ICA1: variants seen among roughly 807,000 people sequenced by gnomAD.
The protein encoded by ICA1 is 69 kDa islet cell autoantigen.
In ICA1, 40 loss-of-function variants were observed where a neutral mutation model predicts 71.0. The ratio of observed to expected loss-of-function variants is 0.56; its 90% CI spans 0.44 to 0.73. The LOEUF is 0.73. ICA1 is among the 30% of genes least tolerant of loss of function. ICA1 has a pLI of 0.00. For synonymous variants in ICA1, 207 were observed against 209.5 expected (o/e 0.99, Z 0.10); for missense variants, 578 against 576.5 (o/e 1.00, Z -0.03).
intron 6 of ICA1, among the ~76,000 whole-genome samples, chr7:8,172,827 C>CT (rs1808875760): frequency 6.6e-6 from 1 of 152,170 alleles, no homozygotes; most frequent in Non-Finnish European, 1.5e-5. Flanking sequence ...TCAAATGTCA[C>CT]TGGCAGTATT....
chr7:8,149,929 C>T (rs936740683), intron 8 of ICA1, among the ~76,000 whole-genome samples: 4 of 152,152 alleles, frequency 2.6e-5, no homozygotes, highest in Non-Finnish European at 1.5e-5. Context: ...AATTCATGGA[C>T]ATTTAGCACA....
chr7:8,116,604 A>G (rs956859888), intron 13 of ICA1: 1 of 152,196 alleles, frequency 6.6e-6, no homozygotes, highest in African/African-American at 2.4e-5. Flanking sequence ...TTTTCTTCTC[A>G]AGCACAATCG....
At chr7:8,135,119 C>T (rs1339514818) in intron 12 of ICA1, among the ~76,000 whole-genome samples, 5 of 152,016 alleles carry the variant, frequency 3.3e-5, no homozygotes, top group African/African-American at 4.8e-5. Context: ...CTCCGCCTCC[C>T]GGGTTCAAGC....
At chr7:8,245,328 CAT>C (rs1284202751) in intron 1 of ICA1, among the ~76,000 whole-genome samples, 9 of 149,560 alleles carry the variant, frequency 6.0e-5, no homozygotes, top group African/African-American at 2.2e-4. Context: ...CCAAGCACCA[CAT>C]GTTCTCACTC....
chr7:8,158,329 T>C (rs970774558), intron 7 of ICA1, 198 bp downstream of exon 7: 2 of 583,358 alleles, frequency 3.4e-6, no homozygotes, highest in Non-Finnish European at 5.9e-6. Context: ...TGGGAAATTA[T>C]GGTATATACA....
At chr7:8,247,353 A>C (rs765638860) in intron 1 of ICA1, among the ~76,000 whole-genome samples, 3 of 152,114 alleles carry the variant, frequency 2.0e-5, no homozygotes, top group African/African-American at 7.2e-5. Context: ...CCAGCTACTC[A>C]GGAGGCTGAC....
chr7:8,256,615 T>C (rs1356721804), intron 1 of ICA1, among the ~76,000 whole-genome samples: 1 of 152,168 alleles, frequency 6.6e-6, no homozygotes, highest in Admixed American at 6.5e-5. Context: ...CCCATGGGTC[T>C]TGCACTCCAG....
At chr7:8,209,382 C>G (rs1260706271) in intron 6 of ICA1, among the ~76,000 whole-genome samples, 1 of 152,060 alleles carries the variant, frequency 6.6e-6, no homozygotes, top group African/African-American at 2.4e-5. Flanking sequence ...ATTCAAGGAA[C>G]AGAAATTATG....
At chr7:8,177,772 A>G (rs2128249831) in intron 6 of ICA1, among the ~76,000 whole-genome samples, 1 of 152,336 alleles carries the variant, frequency 6.6e-6, no homozygotes, top group Non-Finnish European at 1.5e-5. Context: ...TGAATTGCAG[A>G]AAGTAATTCT....
intron 6 of ICA1, among the ~76,000 whole-genome samples, chr7:8,199,530 G>A (rs945222226): frequency 6.6e-6 from 1 of 152,078 alleles, no homozygotes; most frequent in South Asian, 2.1e-4. Context: ...GGCCAACATG[G>A]TGAAACCCTG....
At chr7:8,219,661 T>C (rs901210072) in intron 5 of ICA1, among the ~76,000 whole-genome samples, 1 of 152,256 alleles carries the variant, frequency 6.6e-6, no homozygotes. Context: ...TAAAGTAAGC[T>C]TGTTATCCCT....
chr7:8,141,590 G>A (rs779587773), intron 10 of ICA1, among the ~76,000 whole-genome samples, 175 bp downstream of exon 10: 15 of 152,314 alleles, frequency 9.8e-5, no homozygotes, highest in Non-Finnish European at 1.6e-4. Context: ...ATGCTGTAGG[G>A]TTGACATGGT....
At chr7:8,174,743 C>T (rs1483027698) in intron 6 of ICA1, among the ~76,000 whole-genome samples, 2 of 53,512 alleles carry the variant, frequency 3.7e-5, no homozygotes, top group African/African-American at 8.0e-5. Flanking sequence ...GTGACACAGC[C>T]AGACTGTATC....
At chr7:8,150,749 C>T (rs1278456090) in intron 8 of ICA1, among the ~76,000 whole-genome samples, 1 of 152,162 alleles carries the variant, frequency 6.6e-6, no homozygotes, top group African/African-American at 2.4e-5. Context: ...TGCTTTTTTG[C>T]CTATAAGCAA....
intron 6 of ICA1, among the ~76,000 whole-genome samples, chr7:8,201,335 C>G (rs182836822): frequency 6.8e-4 from 104 of 152,282 alleles, no homozygotes; most frequent in Non-Finnish European, 1.1e-3. Flanking sequence ...AGCAGGTGGA[C>G]TTGATCCTAC....
chr7:8,141,935 G>A (rs6952542), intron 9 of ICA1, 118 bp from the exon 10 acceptor site: 188,210 of 979,768 alleles, frequency 0.19, 14,871 homozygotes, highest in Non-Finnish European at 0.22. Flanking sequence ...CCACACACAC[G>A]CACACGAAGA....
intron 10 of ICA1, among the ~76,000 whole-genome samples, chr7:8,139,711 C>A (rs192495809): frequency 1.3e-5 from 2 of 152,174 alleles, no homozygotes; most frequent in Non-Finnish European, 2.9e-5. Context: ...TTGACTATAA[C>A]AAATATACCA....
intron 6 of ICA1, among the ~76,000 whole-genome samples, chr7:8,192,570 A>T (rs1363371801): frequency 1.3e-5 from 2 of 152,238 alleles, no homozygotes; most frequent in African/African-American, 4.8e-5. Flanking sequence ...ATTTGAAACA[A>T]TGTAAAGACA....
chr7:8,215,049 A>T (rs543811300), intron 6 of ICA1, among the ~76,000 whole-genome samples: 1 of 152,072 alleles, frequency 6.6e-6, no homozygotes, highest in Non-Finnish European at 1.5e-5. Context: ...AAAGCCTCCC[A>T]GTAGTTCTCC....
Sources: gnomAD v4.1 joint callset for allele counts (sites outside exome capture counted in the v4.1 genomes callset) on GRCh38, gnomAD v4.1.1 for gene constraint, MANE v1.5 for transcripts, NCBI Gene and HGNC (gene_info 2026-07-23, HGNC 2026-07-21) for gene names.